IQCB1: variants seen among roughly 807,000 people sequenced by gnomAD.
The protein encoded by IQCB1 is IQ calmodulin-binding motif-containing protein 1.
Under a neutral mutation model 84.4 loss-of-function variants are expected in IQCB1, and 56 were observed. That is an observed-to-expected ratio of 0.66 (90% CI 0.54 to 0.83). IQCB1 has a LOEUF of 0.83. IQCB1 is among the 40% of genes least tolerant of loss of function. IQCB1 has a pLI of 0.00. For missense variants in IQCB1, 629 were observed against 682.1 expected, an observed-to-expected ratio of 0.92 and a Z score of 0.87; for synonymous variants, 210 against 234.8, an observed-to-expected ratio of 0.89 and a Z score of 0.96.
chr3:121,773,250 T>C (rs1576530003), intron 13 of IQCB1, among the ~76,000 whole-genome samples: 1 of 145,894 alleles, frequency 6.9e-6, no homozygotes, highest in African/African-American at 2.5e-5. Context: ...GGAGGCAGAG[T>C]TTGCAATGAG....
At chr3:121,828,711 A>G (rs761903821) in intron 3 of IQCB1, 79 bp from the exon 4 acceptor site, 1 of 1,098,142 alleles carries the variant, frequency 9.1e-7, no homozygotes. Flanking sequence ...ATGTTGAATA[A>G]TCACTAAAAA....
In IQCB1 at chr3:121,795,446, A is replaced by G; in HGVS notation, c.986+11T>C. 6.7e-7 allele frequency: 1 copy of G among 1,485,976 alleles called. No homozygotes were observed. The highest frequency in any genetic ancestry group is 2.3e-5 in the East Asian group (1 of 44,172). 92.0% of individuals were successfully genotyped at this position (1,485,976 alleles called of 1,614,324 possible). ...TCTATGATCATCAATCCCCTCACCA[A>G]ATTTTTTTACCTGAAACTCCTCTGC... On this transcript the variant is annotated intron_variant, in intron 10 of 14. Transcript: ENST00000310864.
intron 10 of IQCB1, 148 bp from the exon 11 acceptor site, chr3:121,790,363 G>C (rs1948917071): frequency 1.6e-6 from 1 of 627,272 alleles, no homozygotes; most frequent in Admixed American, 2.9e-5. Context: ...CTTGTCATCT[G>C]CTGCTGTTGT....
chr3:121,802,108 CTT>C (rs1314429599), intron 7 of IQCB1, among the ~76,000 whole-genome samples: 1 of 151,664 alleles, frequency 6.6e-6, no homozygotes, highest in Admixed American at 6.6e-5. Context: ...CTTATAATGT[CTT>C]TGTTTGGTTT....
intron 2 of IQCB1, 100 bp downstream of exon 2, chr3:121,834,291 C>T (rs535527804): frequency 6.6e-6 from 1 of 152,300 alleles, no homozygotes; most frequent in Admixed American, 6.5e-5. Context: ...TAAACTTTCT[C>T]GAGTGTTTCT....
At chr3:121,774,847 G>A (rs1330657306) in intron 13 of IQCB1, among the ~76,000 whole-genome samples, 1 of 152,072 alleles carries the variant, frequency 6.6e-6, no homozygotes, top group Non-Finnish European at 1.5e-5. Context: ...CAATATGAAT[G>A]TACTTAATGC....
At chr3:121,785,831 G>A (rs1416764544) in intron 12 of IQCB1, among the ~76,000 whole-genome samples, 1 of 152,010 alleles carries the variant, frequency 6.6e-6, no homozygotes. Context: ...TATGCTTAAC[G>A]ATTATTTTAT....
rs369407077 is a variant in IQCB1, at chr3:121,826,036, T to C, written c.393+15A>G. On this transcript the variant is annotated intron_variant, in intron 5 of 14. Transcript: ENST00000310864. Reference sequence around the variant, plus strand: ...TTAAACTGATTTAGCTACAAAAGACTAAATAAACACATACCTTAGCTGCAT... The same window carrying C: ...TTAAACTGATTTAGCTACAAAAGACCAAATAAACACATACCTTAGCTGCAT... 182 of 1,608,426 alleles carry C rather than the reference T, an allele frequency of 1.1e-4. No homozygotes were observed. The African/African-American group carries it at 1.9e-3, about 17-fold the overall frequency.
intron 7 of IQCB1, among the ~76,000 whole-genome samples, chr3:121,801,182 T>A (rs891484677): frequency 6.6e-6 from 1 of 152,028 alleles, no homozygotes; most frequent in Non-Finnish European, 1.5e-5. Flanking sequence ...CTAATCTCAC[T>A]TTCTGTCATG....
intron 10 of IQCB1, among the ~76,000 whole-genome samples, chr3:121,792,080 C>T (rs956325445): frequency 5.9e-5 from 9 of 151,926 alleles, no homozygotes; most frequent in South Asian, 2.1e-4. Context: ...AGTGAGACTC[C>T]GCCTCAAAAC....
chr3:121,801,326 A>G (rs1000350069), intron 7 of IQCB1, among the ~76,000 whole-genome samples: 2 of 152,096 alleles, frequency 1.3e-5, no homozygotes, highest in Non-Finnish European at 2.9e-5. Context: ...AATAAAGCTC[A>G]ATGAACATTT....
At chr3:121,824,706 A>G (rs1950400075) in intron 5 of IQCB1, among the ~76,000 whole-genome samples, 1 of 152,174 alleles carries the variant, frequency 6.6e-6, no homozygotes, top group African/African-American at 2.4e-5. Flanking sequence ...CTAATCACAG[A>G]GCTTTGTAAT....
intron 4 of IQCB1, 125 bp downstream of exon 4, chr3:121,828,345 T>C: frequency 1.2e-6 from 1 of 800,954 alleles, no homozygotes; most frequent in Non-Finnish European, 2.2e-6. Flanking sequence ...GAAGGAAAAG[T>C]ACAACCAAAA....
In IQCB1 at chr3:121,807,369, G is replaced by C. The variant is rs1052745953; in HGVS notation, c.562C>G (p.Leu188Val). ...CTGTTGATCTGTAGTATATTCTGTAGCATCATCATGACTGCAGATCCTATT... is the reference window on the plus strand; with the variant it reads ...CTGTTGATCTGTAGTATATTCTGTACCATCATCATGACTGCAGATCCTATT... ...VQIGSAVMMM[L>V]QNILQINSGD... Residue 188 changes from leucine (L) to valine (V), a missense_variant, in exon 7 of 15, where the codon CTA (leucine) becomes GTA (valine). Physicochemically the swap from Leu to Val is conservative, Grantham distance 32. Transcript: ENST00000310864. 3 of 1,563,050 alleles carry C rather than the reference G, an allele frequency of 1.9e-6. No individual in the cohort carries two copies. The highest frequency in any genetic ancestry group is 2.6e-6 in the Non-Finnish European group (3 of 1,134,448).
At chr3:121,786,170 C>CAAGAAGAAAAGAAAAGAAAAAAAAG in intron 12 of IQCB1, among the ~76,000 whole-genome samples, 1 of 72,848 alleles carries the variant, frequency 1.4e-5, no homozygotes, top group Non-Finnish European at 2.5e-5. Context: ...GATTCTGTCT[C>CAAGAAGAAAAGAAAAGAAAAAAAAG]AAAAGAAAAG....
At chr3:121,830,039 T>C (rs1950581390) in intron 2 of IQCB1, among the ~76,000 whole-genome samples, 1 of 151,998 alleles carries the variant, frequency 6.6e-6, no homozygotes, top group Non-Finnish European at 1.5e-5. Flanking sequence ...AAACCCCATT[T>C]CTACTAAGAA....
chr3:121,785,620 ATATT>A (rs1184267886), intron 12 of IQCB1, among the ~76,000 whole-genome samples: 2 of 152,200 alleles, frequency 1.3e-5, no homozygotes, highest in Non-Finnish European at 2.9e-5. Flanking sequence ...GGGCGAAACA[ATATT>A]TACTCAGTTA....
chr3:121,786,731 C>T (rs1948754799), intron 12 of IQCB1, among the ~76,000 whole-genome samples: 1 of 152,146 alleles, frequency 6.6e-6, no homozygotes, highest in Admixed American at 6.5e-5. Context: ...ACAACTTTGC[C>T]TTCGTAGCCT....
At chr3:121,819,205 G>T (rs1407329587) in intron 5 of IQCB1, among the ~76,000 whole-genome samples, 3 of 152,186 alleles carry the variant, frequency 2.0e-5, no homozygotes, top group African/African-American at 7.2e-5. Flanking sequence ...CCCTGAGCGT[G>T]TTTTCCTGCA....
Sources: allele counts gnomAD v4.1 joint callset (sites outside exome capture counted in the v4.1 genomes callset), GRCh38; gene constraint gnomAD v4.1.1; transcripts MANE v1.5; gene names NCBI Gene and HGNC (gene_info 2026-07-23, HGNC 2026-07-21).